LRRN2: variants seen among roughly 807,000 people sequenced by gnomAD.
LRRN2 encodes the protein leucine-rich repeat neuronal protein 2.
A neutral mutation model predicts 35.7 loss-of-function variants in LRRN2; 10 were observed. That is an observed-to-expected ratio of 0.28 (90% confidence interval 0.17 to 0.47). The LOEUF is 0.47. Ranked by LOEUF, LRRN2 falls within the 20% of genes least tolerant of loss-of-function variation. The pLI, the probability that LRRN2 is intolerant of heterozygous loss-of-function variation, is 0.99. For synonymous variants in LRRN2, 391 were observed against 409.6 expected (o/e 0.95, Z 0.55); for missense variants, 731 against 940.3 (o/e 0.78, Z 2.91).
intron 1 of LRRN2, among the ~76,000 whole-genome samples, chr1:204,664,957 G>A (rs1668546505): frequency 6.6e-6 from 1 of 152,036 alleles, no homozygotes; most frequent in African/African-American, 2.4e-5. Flanking sequence ...ATCCCATTCA[G>A]TTCCCTAAAG....
intron 1 of LRRN2, chr1:204,628,948 C>A: frequency 6.6e-6 from 1 of 152,498 alleles, no homozygotes; most frequent in Non-Finnish European, 1.5e-5. Flanking sequence ...CTCCCATAGA[C>A]ATTCCATGCT....
At position 204,684,982 on chromosome 1, in the gene LRRN2, G is replaced by A. The variant is rs569903024; in HGVS notation, c.-227+338C>T. Among the ~76,000 whole-genome samples, 5 of 152,286 alleles carry A rather than the reference G, an allele frequency of 3.3e-5. No individual in the cohort carries two copies. In the South Asian group the frequency reaches 1.0e-3, roughly 32 times the overall value. Reference sequence around the variant, plus strand: ...CCCCACTCTACCCAGCAACAGTTTGGGGGAGGTTCTGGCCTCTCCAGGCGA... The same window carrying A: ...CCCCACTCTACCCAGCAACAGTTTGAGGGAGGTTCTGGCCTCTCCAGGCGA... On this transcript the variant is annotated intron_variant, in intron 1 of 1. Transcript: ENST00000367177.
intron 1 of LRRN2, among the ~76,000 whole-genome samples, chr1:204,669,689 G>C (rs1369632710): frequency 6.6e-6 from 1 of 152,208 alleles, no homozygotes; most frequent in African/African-American, 2.4e-5. Flanking sequence ...GAGTGATTAA[G>C]GGCCAGGAAA....
chr1:204,665,330 G>T (rs530287075), intron 1 of LRRN2, among the ~76,000 whole-genome samples: 202 of 152,046 alleles, frequency 1.3e-3, no homozygotes, highest in African/African-American at 4.6e-3. Flanking sequence ...TTGGAGACAG[G>T]TTCTCCTCCT....
intron 1 of LRRN2, among the ~76,000 whole-genome samples, chr1:204,648,307 C>T (rs1216500380): frequency 6.6e-6 from 1 of 152,210 alleles, no homozygotes; most frequent in Non-Finnish European, 1.5e-5. Flanking sequence ...TGTAACCTCT[C>T]CCAAGGCTGC....
chr1:204,623,326 C>T lies in LRRN2; in HGVS notation c.-226-3108G>A, dbSNP rs1667059639. Among the ~76,000 whole-genome samples, 3 of 152,342 alleles carry T rather than the reference C, an allele frequency of 2.0e-5. No individual in the cohort carries two copies. In the South Asian group the frequency reaches 6.2e-4, roughly 32 times the overall value. On this transcript the variant is annotated intron_variant, in intron 1 of 1. Coordinates refer to ENST00000367177, the MANE Select transcript of LRRN2 (RefSeq NM_201630.2). ...GAACCATTTAAAACTTCATTGAAAC[C>T]CTCCAGGCACTTGCCTTTCCCCTTC...
At chr1:204,682,370 T>C (rs1484016914) in intron 1 of LRRN2, among the ~76,000 whole-genome samples, 4 of 152,196 alleles carry the variant, frequency 2.6e-5, no homozygotes, top group African/African-American at 4.8e-5. Context: ...TACATATTAA[T>C]AGTCTAACTG....
chr1:204,657,341 T>TACACACAC (rs34779515), intron 1 of LRRN2, among the ~76,000 whole-genome samples: 1,626 of 147,030 alleles, frequency 0.011, 11 homozygotes, highest in African/African-American at 0.028. Context: ...TATGTATATA[T>TACACACAC]ACACACACAC....
At chr1:204,631,679 A>C (rs192380228) in intron 1 of LRRN2, among the ~76,000 whole-genome samples, 12 of 152,204 alleles carry the variant, frequency 7.9e-5, no homozygotes, top group South Asian at 2.1e-4. Flanking sequence ...TGCAAATTAA[A>C]CTTCAATAAA....
At chr1:204,677,934 G>A (rs1320855148) in intron 1 of LRRN2, among the ~76,000 whole-genome samples, 1 of 152,014 alleles carries the variant, frequency 6.6e-6, no homozygotes, top group Non-Finnish European at 1.5e-5. Context: ...CACGTGGGCT[G>A]CCTTACTCCC....
intron 1 of LRRN2, among the ~76,000 whole-genome samples, chr1:204,652,745 C>A (rs915968030): frequency 2.6e-5 from 4 of 152,184 alleles, no homozygotes; most frequent in Non-Finnish European, 2.9e-5. Flanking sequence ...ATACCCATCC[C>A]ACTCCTCAGG....
chr1:204,655,909 C>CTT (rs1262786759), intron 1 of LRRN2, among the ~76,000 whole-genome samples: 4 of 152,060 alleles, frequency 2.6e-5, no homozygotes, highest in African/African-American at 9.7e-5. Flanking sequence ...TCCTTCTCTT[C>CTT]TTTTTTCTTT....
chr1:204,623,164 A>C (rs149744972), intron 1 of LRRN2, among the ~76,000 whole-genome samples: 34 of 152,232 alleles, frequency 2.2e-4, no homozygotes, highest in Admixed American at 8.5e-4. Flanking sequence ...TGAGGGCTGG[A>C]GGAGGTGGAG....
chr1:204,664,839 T>C (rs191674147), intron 1 of LRRN2, among the ~76,000 whole-genome samples: 1 of 152,324 alleles, frequency 6.6e-6, no homozygotes, highest in Admixed American at 6.5e-5. Context: ...GTCAGTCCTC[T>C]GCCGTCCGGC....
chr1:204,618,109 A>C lies in LRRN2; in HGVS notation c.1884T>G (p.Arg628=). The C allele has an allele frequency of 6.2e-7, 1 of 1,614,106 alleles. No homozygotes were observed. The highest frequency in any genetic ancestry group is 1.1e-5 in the South Asian group (1 of 91,080). ...ATSCHRALGD[R]PGLIAILALA... ...GAGCCAGGATGGCAATGAGCCCAGG[A>C]CGGTCCCCTAAGGCTCTGTGGCAAG... The change falls in exon 2 of 2, where the codon CGT becomes CGG. Residue 628 remains arginine, a synonymous_variant. Transcript: ENST00000367177.
chr1:204,679,710 G>A (rs1177058499), intron 1 of LRRN2, among the ~76,000 whole-genome samples: 4 of 152,142 alleles, frequency 2.6e-5, no homozygotes, highest in South Asian at 2.1e-4. Flanking sequence ...CCATTCTCAC[G>A]TCTCCCAGCA....
intron 1 of LRRN2, among the ~76,000 whole-genome samples, chr1:204,676,772 G>A (rs1668834169): frequency 1.3e-5 from 2 of 152,206 alleles, no homozygotes; most frequent in South Asian, 4.1e-4. Context: ...AGTGGCCCTG[G>A]GGAAATTGAG....
Position 204,636,963 on chromosome 1 carries a change from A to C in LRRN2, c.-226-16745T>G, listed in dbSNP as rs141279570. 7.9e-4 allele frequency among the ~76,000 whole-genome samples: 121 copies of C among 152,352 alleles called. 1 individual carries two copies. The Middle Eastern group carries it at 0.01, about 13-fold the overall frequency. ...TACTGAAATATTTAGGGAAAAGTGT[A>C]CTGATGTCTGCAATTTGCTTTGAAA... On this transcript the variant is annotated intron_variant, in intron 1 of 1. Coordinates refer to ENST00000367177, the MANE Select transcript of LRRN2 (RefSeq NM_201630.2).
intron 1 of LRRN2, among the ~76,000 whole-genome samples, chr1:204,644,111 T>C (rs1183779468): frequency 1.3e-5 from 2 of 152,194 alleles, no homozygotes; most frequent in African/African-American, 4.8e-5. Flanking sequence ...ACCCATCTGC[T>C]GTACCACTGC....
Sources: allele counts gnomAD v4.1 joint callset (sites outside exome capture counted in the v4.1 genomes callset), GRCh38; gene constraint gnomAD v4.1.1; transcripts MANE v1.5; gene names NCBI Gene and HGNC (gene_info 2026-07-23, HGNC 2026-07-21).